Variants in ARHGAP42 observed in about 807,000 individuals in gnomAD.
ARHGAP42 encodes the protein Rho GTPase activating protein 42.
Under a neutral mutation model 125.0 loss-of-function variants are expected in ARHGAP42, and 63 were observed. That is an observed-to-expected ratio of 0.50 (90% CI 0.41 to 0.62). The LOEUF (loss-of-function observed/expected upper bound fraction) is 0.62, where lower values mean the gene tolerates loss of function less well. Among genes scored for constraint, ARHGAP42 ranks in the 20% least tolerant of loss-of-function variants. The probability of loss-of-function intolerance (pLI) is 0.00; values close to 1 mark genes in which losing one functional copy is unlikely to be tolerated. For synonymous variants in ARHGAP42, 339 were observed against 351.0 expected, an observed-to-expected ratio of 0.97 and a Z score of 0.38; for missense variants, 766 against 1,024.2, an observed-to-expected ratio of 0.75 and a Z score of 3.44.
chr11:100,726,191 C>A (rs1487474818), intron 1 of ARHGAP42, among the ~76,000 whole-genome samples: 1 of 151,604 alleles, frequency 6.6e-6, no homozygotes, highest in African/African-American at 2.4e-5. Context: ...GTACTCTGGA[C>A]AAAAGAAGAG....
intron 1 of ARHGAP42, among the ~76,000 whole-genome samples, chr11:100,759,009 G>A (rs1306163369): frequency 1.3e-5 from 2 of 151,894 alleles, no homozygotes; most frequent in Non-Finnish European, 2.9e-5. Context: ...TTTTTTGTTT[G>A]TTTGTTTGTT....
At chr11:100,797,406 G>C (rs1863742818) in intron 3 of ARHGAP42, among the ~76,000 whole-genome samples, 1 of 152,086 alleles carries the variant, frequency 6.6e-6, no homozygotes, top group Non-Finnish European at 1.5e-5. Flanking sequence ...CTCATGTTAG[G>C]TACTAATGTA....
chr11:100,966,703 A>T (rs1424415692), intron 17 of ARHGAP42, among the ~76,000 whole-genome samples: 1 of 152,198 alleles, frequency 6.6e-6, no homozygotes, highest in African/African-American at 2.4e-5. Flanking sequence ...ATGTAAAATT[A>T]ATCATTATAA....
chr11:100,974,098 A>G (rs576416282), intron 18 of ARHGAP42, among the ~76,000 whole-genome samples: 1 of 152,334 alleles, frequency 6.6e-6, no homozygotes, highest in South Asian at 2.1e-4. Flanking sequence ...CTGAGAAGCA[A>G]GGAGCCATTC....
At chr11:100,886,652 T>C (rs1208895377) in intron 4 of ARHGAP42, among the ~76,000 whole-genome samples, 1 of 152,220 alleles carries the variant, frequency 6.6e-6, no homozygotes, top group Non-Finnish European at 1.5e-5. Flanking sequence ...TACATATTAT[T>C]GCAATAATTG....
intron 1 of ARHGAP42, among the ~76,000 whole-genome samples, chr11:100,768,878 A>G (rs1862898940): frequency 6.6e-6 from 1 of 152,214 alleles, no homozygotes; most frequent in Admixed American, 6.5e-5. Context: ...TTTTATATAT[A>G]ATTATGCATT....
chr11:100,852,570 C>T (rs1464286821), intron 3 of ARHGAP42, among the ~76,000 whole-genome samples: 3 of 152,110 alleles, frequency 2.0e-5, no homozygotes, highest in Admixed American at 1.3e-4. Context: ...TCCCCTTGCT[C>T]CCATACACAA....
intron 3 of ARHGAP42, among the ~76,000 whole-genome samples, chr11:100,835,348 A>C (rs1565234451): frequency 6.6e-6 from 1 of 152,162 alleles, no homozygotes; most frequent in Non-Finnish European, 1.5e-5. Context: ...TAATCTCCTA[A>C]TTTAACCCTA....
At chr11:100,699,480 G>GTATATATATATATATATATA (rs36193705) in intron 1 of ARHGAP42, among the ~76,000 whole-genome samples, 1 of 41,458 alleles carries the variant, frequency 2.4e-5, no homozygotes. Context: ...ATTTATTCAT[G>GTATATATATATATATATATA]TATATATATA....
At chr11:100,815,744 T>TCGA (rs1183216054) in intron 3 of ARHGAP42, among the ~76,000 whole-genome samples, 1 of 152,166 alleles carries the variant, frequency 6.6e-6, no homozygotes, top group Non-Finnish European at 1.5e-5. Flanking sequence ...ATGCTACCAA[T>TCGA]CTCTAGAACT....
At chr11:100,829,359 TC>T (rs1864607222) in intron 3 of ARHGAP42, among the ~76,000 whole-genome samples, 1 of 142,786 alleles carries the variant, frequency 7.0e-6, no homozygotes, top group African/African-American at 2.7e-5. Context: ...GACCCTGTCT[TC>T]AAAAAAAAAA....
intron 16 of ARHGAP42, 56 bp from the exon 17 acceptor site, chr11:100,965,615 A>G (rs775937265): frequency 2.6e-5 from 36 of 1,384,686 alleles, no homozygotes; most frequent in Non-Finnish European, 3.4e-5. Context: ...TAATGTTTAC[A>G]TACCCAATTG....
At chr11:100,885,925 A>G (rs2135184024) in intron 4 of ARHGAP42, among the ~76,000 whole-genome samples, 2 of 152,314 alleles carry the variant, frequency 1.3e-5, no homozygotes, top group East Asian at 1.9e-4. Flanking sequence ...AAAGAGGTGT[A>G]CTGTTTCCCC....
intron 4 of ARHGAP42, among the ~76,000 whole-genome samples, chr11:100,898,292 C>A (rs1866419243): frequency 6.6e-6 from 1 of 152,108 alleles, no homozygotes. Context: ...GGACATTGGT[C>A]TAAAATTCTC....
chr11:100,850,733 A>G (rs149845838), intron 3 of ARHGAP42, among the ~76,000 whole-genome samples: 8 of 152,252 alleles, frequency 5.3e-5, no homozygotes, highest in African/African-American at 1.9e-4. Flanking sequence ...ATTCATTTGT[A>G]CTTCTTTATA....
In ARHGAP42 at chr11:100,901,941, A is replaced by G. The variant is rs562633215; in HGVS notation, c.385-11511A>G. On this transcript the variant is annotated intron_variant, in intron 4 of 23. Transcript: ENST00000298815. ...GGCACCCACCATCCAATCAGTCCCA[A>G]TGAGATGAACCAGGTACCTCAGTGC... Among the ~76,000 whole-genome samples the G allele has an allele frequency of 1.1e-4, 17 of 152,324 alleles. No homozygotes were observed. In the South Asian group the frequency reaches 1.5e-3, roughly 13 times the overall value.
chr11:100,821,582 C>T (rs1864406721), intron 3 of ARHGAP42, among the ~76,000 whole-genome samples: 2 of 150,330 alleles, frequency 1.3e-5, no homozygotes, highest in South Asian at 2.1e-4. Context: ...TCCTCCTTTC[C>T]TCCCCTTAGC....
intron 21 of ARHGAP42, among the ~76,000 whole-genome samples, chr11:100,977,196 T>C (rs955166497): frequency 3.3e-5 from 5 of 152,202 alleles, no homozygotes; most frequent in African/African-American, 1.2e-4. Context: ...TCAAGCACTT[T>C]CCTTTGAAGC....
intron 1 of ARHGAP42, among the ~76,000 whole-genome samples, chr11:100,707,548 G>A (rs1191494711): frequency 3.3e-5 from 5 of 152,142 alleles, no homozygotes; most frequent in South Asian, 2.1e-4. Context: ...CAGTAAATGC[G>A]AGACAAAAGC....
Sources: allele counts gnomAD v4.1 joint callset (sites outside exome capture counted in the v4.1 genomes callset), GRCh38; gene constraint gnomAD v4.1.1; transcripts MANE v1.5; gene names NCBI Gene and HGNC (gene_info 2026-07-23, HGNC 2026-07-21).